VAV2: variants seen among roughly 807,000 people sequenced by gnomAD.
VAV2 encodes guanine nucleotide exchange factor VAV2.
VAV2 carries 67 observed loss-of-function variants against 132.5 expected under a neutral mutation model. The ratio of observed to expected loss-of-function variants is 0.51; its 90% CI spans 0.42 to 0.62. VAV2 has a LOEUF of 0.62. VAV2 is among the 20% of genes least tolerant of loss of function. The pLI, the probability that VAV2 is intolerant of heterozygous loss-of-function variation, is 0.00. For missense variants in VAV2, 938 were observed against 1,153.6 expected, an observed-to-expected ratio of 0.81 and a Z score of 2.71; for synonymous variants, 492 against 443.5, an observed-to-expected ratio of 1.11 and a Z score of -1.37.
chr9:133,793,490 C>T (rs566072616), intron 12 of VAV2, among the ~76,000 whole-genome samples: 1 of 152,276 alleles, frequency 6.6e-6, no homozygotes, highest in African/African-American at 2.4e-5. Context: ...TGTCGTTGTC[C>T]ACTTGCCTTT....
At chr9:133,925,252 T>C (rs2265521) in intron 2 of VAV2, among the ~76,000 whole-genome samples, 147,992 of 152,262 alleles carry the variant, frequency 0.97, 72,028 homozygotes, top group Non-Finnish European at 1. Flanking sequence ...GGTCTCGCTC[T>C]GTTGCCCAGA....
intron 1 of VAV2, among the ~76,000 whole-genome samples, chr9:133,975,244 T>C (rs1455605716): frequency 2.0e-5 from 3 of 151,600 alleles, no homozygotes; most frequent in East Asian, 2.0e-4. Flanking sequence ...CACCAGGAGC[T>C]AGGAGGGCTG....
chr9:133,856,431 C>A (rs1193302532), intron 3 of VAV2, among the ~76,000 whole-genome samples: 1 of 145,450 alleles, frequency 6.9e-6, no homozygotes, highest in Non-Finnish European at 1.5e-5. Context: ...ATGTGCCCCC[C>A]ACCGGGACCC....
chr9:133,861,518 G>A, intron 2 of VAV2, 86 bp from the exon 3 acceptor site: 37 of 1,456,632 alleles, frequency 2.5e-5, no homozygotes, highest in Non-Finnish European at 3.2e-5. Flanking sequence ...TTTGCAGGAC[G>A]TCGAGAACTG....
chr9:133,847,813 C>T (rs533609829), intron 3 of VAV2, among the ~76,000 whole-genome samples: 108 of 152,274 alleles, frequency 7.1e-4, no homozygotes, highest in African/African-American at 2.3e-3. Context: ...GCCCTGTGCA[C>T]GCCTGGTCGT....
rs537584127 is a variant in VAV2 at position 133,984,659 on chromosome 9, AT to A, written c.204+7415del. ...ATATTTCTTCATCCCCAAAGATTTG[AT>A]TTTTGCCCCCTCAAGAGCAGTAATG... is the stretch of plus-strand genomic sequence containing the variant. On this transcript the variant is annotated intron_variant, in intron 1 of 29. Transcript: ENST00000371850. Among the ~76,000 whole-genome samples, 695 of 140,418 alleles carry A rather than the reference AT, an allele frequency of 4.9e-3. 3 individuals carry two copies. The highest frequency in any genetic ancestry group is 0.016 in the African/African-American group (652 of 41,222). 92.1% of individuals were successfully genotyped at this position (140,418 alleles called of 152,430 possible). A position where few individuals can be genotyped will look rare whatever the true frequency, so the allele number is the denominator to read the frequency against.
intron 2 of VAV2, among the ~76,000 whole-genome samples, chr9:133,922,413 G>T (rs1406360802): frequency 2.0e-5 from 3 of 152,226 alleles, no homozygotes; most frequent in African/African-American, 7.2e-5. Flanking sequence ...AAAGAGCTGG[G>T]CTTGGCGGGG....
intron 23 of VAV2, 21 bp from the exon 24 acceptor site, chr9:133,776,101 T>A (rs1833801524): frequency 6.2e-7 from 1 of 1,610,710 alleles, no homozygotes; most frequent in South Asian, 1.1e-5. Context: ...AGCACAAGAG[T>A]GTTAACGGCC....
At chr9:133,841,368 T>A (rs1412175976) in intron 3 of VAV2, among the ~76,000 whole-genome samples, 1 of 151,822 alleles carries the variant, frequency 6.6e-6, no homozygotes, top group Non-Finnish European at 1.5e-5. Context: ...GGCAGCGAAC[T>A]CCTCTGCATA....
At chr9:133,825,122 C>A (rs574495414) in intron 4 of VAV2, among the ~76,000 whole-genome samples, 1 of 137,098 alleles carries the variant, frequency 7.3e-6, no homozygotes, top group Admixed American at 8.1e-5. Context: ...TGAGGCACCA[C>A]GGCCAGTGGG....
Position 133,981,588 on chromosome 9 carries a change from G to A in VAV2, c.204+10487C>T, listed in dbSNP as rs575318464. Among the ~76,000 whole-genome samples, 15 of 152,336 alleles carry A rather than the reference G, an allele frequency of 9.8e-5. No homozygotes were observed. In the South Asian group the frequency reaches 2.7e-3, roughly 27 times the overall value. On this transcript the variant is annotated intron_variant, in intron 1 of 29. Coordinates refer to ENST00000371850, the MANE Select transcript of VAV2 (RefSeq NM_001134398.2). ...GGCCCTGCTGTGGGGTAGAAACTGC[G>A]CTGGGCGCCAGACACACACTTTTTG...
chr9:133,906,290 C>T (rs915387708), intron 2 of VAV2, among the ~76,000 whole-genome samples: 4 of 152,192 alleles, frequency 2.6e-5, no homozygotes, highest in East Asian at 1.9e-4. Flanking sequence ...CTGTTTTCCA[C>T]GAGGGGACCT....
At chr9:133,886,330 G>A (rs1158147236) in intron 2 of VAV2, among the ~76,000 whole-genome samples, 2 of 152,198 alleles carry the variant, frequency 1.3e-5, no homozygotes, top group Non-Finnish European at 2.9e-5. Flanking sequence ...TGGAGGAGGA[G>A]TCTCAGAGCC....
At chr9:133,897,953 T>A (rs1424558181) in intron 2 of VAV2, among the ~76,000 whole-genome samples, 1 of 152,054 alleles carries the variant, frequency 6.6e-6, no homozygotes, top group Non-Finnish European at 1.5e-5. Flanking sequence ...AGAAAACCTG[T>A]GAAGGCAGAG....
At chr9:133,858,369 G>A (rs955306219) in intron 3 of VAV2, among the ~76,000 whole-genome samples, 4 of 152,212 alleles carry the variant, frequency 2.6e-5, no homozygotes, top group African/African-American at 4.8e-5. Flanking sequence ...TTCTGTGGCT[G>A]TTGCCACACA....
chr9:133,900,722 A>G (rs933374373), intron 2 of VAV2, among the ~76,000 whole-genome samples: 2 of 152,024 alleles, frequency 1.3e-5, no homozygotes, highest in Non-Finnish European at 2.9e-5. Context: ...TAAATGTTCA[A>G]TCGCCTTGCC....
At position 133,789,250 on chromosome 9, in the gene VAV2, C is replaced by T. The variant is rs777837585; in HGVS notation, c.1274+8G>A. ...CGCCACCCAGCCCACAACACGCGCC[C>T]TGCTCACCTGTCCTGCTTGGTGTGG... On this transcript the variant is annotated splice_region_variant and intron_variant, in intron 14 of 29. Coordinates refer to ENST00000371850, the MANE Select transcript of VAV2 (RefSeq NM_001134398.2). The T allele has an allele frequency of 6.2e-7, 1 of 1,613,948 alleles. No homozygotes were observed. The highest frequency in any genetic ancestry group is 1.1e-5 in the South Asian group (1 of 91,066).
intron 2 of VAV2, among the ~76,000 whole-genome samples, chr9:133,897,188 G>A (rs1839244035): frequency 6.6e-6 from 1 of 152,168 alleles, no homozygotes. Context: ...GGTTATTGCT[G>A]AAGGACGCGG....
At chr9:133,987,267 A>G (rs931980357) in intron 1 of VAV2, among the ~76,000 whole-genome samples, 2 of 152,092 alleles carry the variant, frequency 1.3e-5, no homozygotes, top group Non-Finnish European at 2.9e-5. Flanking sequence ...GTGATGAAAC[A>G]AAGAGTTTCA....
Sources: gnomAD v4.1 joint callset for allele counts (sites outside exome capture counted in the v4.1 genomes callset) on GRCh38, gnomAD v4.1.1 for gene constraint, MANE v1.5 for transcripts, NCBI Gene and HGNC (gene_info 2026-07-23, HGNC 2026-07-21) for gene names.